Variants in TRDN observed in about 807,000 individuals in gnomAD.
The protein encoded by TRDN is triadin in skeletal muscle.
TRDN carries 161 observed loss-of-function variants against 149.7 expected under a neutral mutation model. That is an observed-to-expected ratio of 1.08 (90% CI 0.95 to 1.23). TRDN has a LOEUF of 1.23. Ranked by LOEUF, TRDN falls within the 50% of genes most tolerant of loss-of-function variation. The pLI is 0.00. For synonymous variants in TRDN, 294 were observed against 250.5 expected, an observed-to-expected ratio of 1.17 and a Z score of -1.64; for missense variants, 896 against 823.5, an observed-to-expected ratio of 1.09 and a Z score of -1.08.
At chr6:123,301,758 T>TATATATAC (rs1378814930) in intron 24 of TRDN, among the ~76,000 whole-genome samples, 1 of 82,572 alleles carries the variant, frequency 1.2e-5, no homozygotes, top group Non-Finnish European at 2.5e-5. Context: ...TATACATATA[T>TATATATAC]ATATATATAT....
At chr6:123,359,917 G>C (rs80018999) in intron 20 of TRDN, among the ~76,000 whole-genome samples, 2 of 151,982 alleles carry the variant, frequency 1.3e-5, no homozygotes, top group African/African-American at 4.8e-5. Context: ...GGATGGTCTC[G>C]ATCTCCTGAC....
chr6:123,509,288 T>C (rs1260932085), intron 7 of TRDN, among the ~76,000 whole-genome samples: 2 of 152,064 alleles, frequency 1.3e-5, no homozygotes, highest in African/African-American at 4.8e-5. Context: ...TCCCAACTTG[T>C]GGCATTCATA....
At chr6:123,590,148 G>A (rs1232009181) in intron 1 of TRDN, among the ~76,000 whole-genome samples, 1 of 152,166 alleles carries the variant, frequency 6.6e-6, no homozygotes, top group African/African-American at 2.4e-5. Context: ...CACAGCAGGA[G>A]GTGAGCAGCG....
At chr6:123,478,822 T>C (rs559642700) in intron 9 of TRDN, among the ~76,000 whole-genome samples, 2 of 152,184 alleles carry the variant, frequency 1.3e-5, no homozygotes, top group Admixed American at 6.5e-5. Context: ...TTAGCCCTTC[T>C]TGGACTCCCC....
intron 1 of TRDN, among the ~76,000 whole-genome samples, chr6:123,605,144 A>G (rs944900454): frequency 1.3e-5 from 2 of 151,532 alleles, no homozygotes; most frequent in Non-Finnish European, 2.9e-5. Flanking sequence ...TCTTGTAACA[A>G]AGTAGCCAGG....
At chr6:123,498,308 G>A in intron 8 of TRDN, 1 of 273,638 alleles carries the variant, frequency 3.7e-6, no homozygotes, top group Non-Finnish European at 7.4e-6. Flanking sequence ...CACCTCTAAG[G>A]ATTTTTGTAA....
chr6:123,508,119 A>G (rs1268341048), intron 7 of TRDN, among the ~76,000 whole-genome samples: 1 of 152,208 alleles, frequency 6.6e-6, no homozygotes, highest in African/African-American at 2.4e-5. Flanking sequence ...TTATATCTGC[A>G]TAATCTGCAT....
chr6:123,605,768 A>G (rs1784503783), intron 1 of TRDN, among the ~76,000 whole-genome samples: 1 of 152,170 alleles, frequency 6.6e-6, no homozygotes, highest in Admixed American at 6.6e-5. Flanking sequence ...TCTCAAAAAC[A>G]AAAACAAAAG....
intron 4 of TRDN, among the ~76,000 whole-genome samples, chr6:123,534,176 T>G (rs1780403785): frequency 6.6e-6 from 1 of 152,116 alleles, no homozygotes; most frequent in African/African-American, 2.4e-5. Flanking sequence ...CATAGGCAGA[T>G]TTTTGTTTTA....
intron 24 of TRDN, among the ~76,000 whole-genome samples, chr6:123,292,224 G>A (rs1195232604): frequency 1.3e-5 from 2 of 152,116 alleles, no homozygotes; most frequent in Admixed American, 6.5e-5. Context: ...TGCCTGCCCT[G>A]GGTCCATAAT....
rs1043890204 is a variant in TRDN, at chr6:123,516,061, T to C, written c.550+80A>G. 1.3e-5 allele frequency: 17 copies of C among 1,291,444 alleles called. No individual in the cohort carries two copies. The African/African-American group carries it at 2.3e-4, about 17-fold the overall frequency. The allele number at this position is 1,291,444 out of a possible 1,614,324, so 80.0% of individuals were successfully genotyped here. A position where few individuals can be genotyped will look rare whatever the true frequency, so the allele number is the denominator to read the frequency against. ...TCTAATTTGTAAAACTGCGTGGTCA[T>C]CTAAAATCTGAATGTAAAGAGTAGG... On this transcript the variant is annotated intron_variant, in intron 6 of 40. Transcript: ENST00000334268.
At position 123,611,209 on chromosome 6, in the gene TRDN, A is replaced by G. The variant is rs554612959; in HGVS notation, c.22+25545T>C. Among the ~76,000 whole-genome samples the G allele has an allele frequency of 2.6e-5, 4 of 152,318 alleles. No homozygotes were observed. The South Asian group carries it at 6.2e-4, about 24-fold the overall frequency. ...AAATTGAAAAGTAAAACCTCAATGTATAAAAATAAGGTTTTACTTTAAATT... is the reference window on the plus strand; with the variant it reads ...AAATTGAAAAGTAAAACCTCAATGTGTAAAAATAAGGTTTTACTTTAAATT... On this transcript the variant is annotated intron_variant, in intron 1 of 40. Transcript: ENST00000334268.
intron 1 of TRDN, among the ~76,000 whole-genome samples, chr6:123,591,388 G>T (rs1783773594): frequency 6.6e-6 from 1 of 152,122 alleles, no homozygotes; most frequent in Non-Finnish European, 1.5e-5. Context: ...TGGGATTACA[G>T]GCATGCCCCA....
At chr6:123,299,612 T>C (rs1444760306) in intron 24 of TRDN, among the ~76,000 whole-genome samples, 1 of 152,096 alleles carries the variant, frequency 6.6e-6, no homozygotes, top group Admixed American at 6.6e-5. Flanking sequence ...CTCTGGAATA[T>C]AATTTAATTA....
At chr6:123,405,668 G>A (rs1773164222) in intron 12 of TRDN, among the ~76,000 whole-genome samples, 1 of 151,986 alleles carries the variant, frequency 6.6e-6, no homozygotes, top group Non-Finnish European at 1.5e-5. Flanking sequence ...AGACCAAAAA[G>A]TTTAGTAATT....
intron 1 of TRDN, among the ~76,000 whole-genome samples, chr6:123,574,804 G>C (rs1160677618): frequency 7.0e-6 from 1 of 142,636 alleles, no homozygotes; most frequent in Non-Finnish European, 1.5e-5. Flanking sequence ...GTTGAATCCT[G>C]GTCACATTGT....
chr6:123,400,188 T>TATATATATATATAA (rs1488784629), intron 12 of TRDN, among the ~76,000 whole-genome samples: 2 of 146,656 alleles, frequency 1.4e-5, no homozygotes, highest in African/African-American at 5.0e-5. Flanking sequence ...TATATATATA[T>TATATATATATATAA]AAACACACAC....
intron 9 of TRDN, among the ~76,000 whole-genome samples, chr6:123,481,239 T>C (rs548063017): frequency 1.3e-5 from 2 of 152,208 alleles, no homozygotes; most frequent in South Asian, 2.1e-4. Flanking sequence ...GTGGTTTCTA[T>C]GCCAGATTCC....
chr6:123,399,917 G>T (rs1473976093), intron 12 of TRDN, among the ~76,000 whole-genome samples: 2 of 151,936 alleles, frequency 1.3e-5, no homozygotes, highest in African/African-American at 4.8e-5. Context: ...CTTAGGAGAA[G>T]AATACACTTT....
Sources: gnomAD v4.1 joint callset for allele counts (sites outside exome capture counted in the v4.1 genomes callset) on GRCh38, gnomAD v4.1.1 for gene constraint, MANE v1.5 for transcripts, NCBI Gene and HGNC (gene_info 2026-07-23, HGNC 2026-07-21) for gene names.